The following NEO1 variants were observed in gnomAD, a reference collection of about 807,000 sequenced individuals.
NEO1 encodes the protein neogenin 1.
Under a neutral mutation model 159.7 loss-of-function variants are expected in NEO1, and 63 were observed. The observed-to-expected ratio is 0.39, with a 90% CI of 0.32 to 0.49. The LOEUF is 0.49. NEO1 is among the 20% of genes least tolerant of loss of function. The probability of loss-of-function intolerance (pLI) is 0.85; values close to 1 mark genes in which losing one functional copy is unlikely to be tolerated. For missense variants in NEO1, 1,615 were observed against 1,831.0 expected (o/e 0.88, Z 2.15); for synonymous variants, 633 against 662.0 (o/e 0.96, Z 0.67).
intron 5 of NEO1, among the ~76,000 whole-genome samples, chr15:73,151,012 T>C (rs1039373733): frequency 6.6e-6 from 1 of 152,176 alleles, no homozygotes; most frequent in African/African-American, 2.4e-5. Flanking sequence ...TATTTCTGAG[T>C]AGTGTATGCC....
At chr15:73,273,449 C>T (rs2151048310) in intron 19 of NEO1, among the ~76,000 whole-genome samples, 1 of 152,286 alleles carries the variant, frequency 6.6e-6, no homozygotes, top group East Asian at 1.9e-4. Flanking sequence ...TTACATTTTA[C>T]TTTGTCTTTT....
chr15:73,091,794 A>G (rs2151448036), intron 1 of NEO1, among the ~76,000 whole-genome samples: 1 of 150,462 alleles, frequency 6.6e-6, no homozygotes. Flanking sequence ...ATTGTGGGAA[A>G]GACTGGGAAT....
chr15:73,255,521 T>A (rs1429008041), intron 13 of NEO1: 1 of 152,182 alleles, frequency 6.6e-6, no homozygotes, highest in Non-Finnish European at 1.5e-5. Context: ...GGAACCAGAT[T>A]GAGTGCTTTC....
chr15:73,101,287 T>C (rs1438664402), intron 1 of NEO1, among the ~76,000 whole-genome samples: 2 of 152,272 alleles, frequency 1.3e-5, no homozygotes, highest in Non-Finnish European at 2.9e-5. Flanking sequence ...TGTTATTGAT[T>C]TGTAGTTTAA....
intron 1 of NEO1, among the ~76,000 whole-genome samples, chr15:73,100,261 G>A (rs2070325425): frequency 6.6e-6 from 1 of 151,608 alleles, no homozygotes; most frequent in African/African-American, 2.4e-5. Context: ...TTATAGCCGT[G>A]CTATTTTTAT....
At chr15:73,153,513 G>A (rs1219736063) in intron 5 of NEO1, among the ~76,000 whole-genome samples, 1 of 152,190 alleles carries the variant, frequency 6.6e-6, no homozygotes, top group African/African-American at 2.4e-5. Flanking sequence ...CTGAAATCTG[G>A]GTCAAAGGGA....
Position 73,052,598 on chromosome 15 carries a change from G to A in NEO1, c.-78G>A, listed in dbSNP as rs2151185869. 1.0e-6 allele frequency: 1 copy of A among 967,714 alleles called. No individual in the cohort carries two copies. The highest frequency in any genetic ancestry group is 1.3e-6 in the Non-Finnish European group (1 of 768,128). The allele number at this position is 967,714 out of a possible 1,614,324, so 59.9% of individuals were successfully genotyped here. ...GAGCCGAGCTTGCAGCGAGGGACCG[G>A]CTGAGGCGCGCGGGAGGGAAGGAGG... On this transcript the variant is annotated 5_prime_UTR_variant, in exon 1 of 29. Coordinates refer to ENST00000261908, the MANE Select transcript of NEO1 (RefSeq NM_002499.4).
chr15:73,237,138 C>G (rs1181684267), intron 8 of NEO1, among the ~76,000 whole-genome samples: 1 of 122,780 alleles, frequency 8.1e-6, no homozygotes, highest in Non-Finnish European at 1.9e-5. Flanking sequence ...CCAGTGTGTC[C>G]TCTTCAGTCA....
At chr15:73,290,423 G>T (rs895129955) in intron 25 of NEO1, among the ~76,000 whole-genome samples, 4 of 151,320 alleles carry the variant, frequency 2.6e-5, no homozygotes, top group Non-Finnish European at 5.9e-5. Flanking sequence ...TGTAGACACG[G>T]GGTTTCACCA....
intron 1 of NEO1, among the ~76,000 whole-genome samples, chr15:73,096,132 C>A (rs1054109071): frequency 1.3e-5 from 2 of 152,106 alleles, no homozygotes; most frequent in Non-Finnish European, 2.9e-5. Flanking sequence ...CCCACAGCAG[C>A]AGATCATCTA....
intron 1 of NEO1, among the ~76,000 whole-genome samples, chr15:73,111,186 G>C (rs59852601): frequency 0.012 from 1,772 of 152,204 alleles, 38 homozygotes; most frequent in African/African-American, 0.04. Flanking sequence ...TTTTCCCTTT[G>C]TATTTGCATT....
chr15:73,242,562 C>CTGGA (rs2150897579), intron 8 of NEO1, among the ~76,000 whole-genome samples: 1 of 152,186 alleles, frequency 6.6e-6, no homozygotes, highest in East Asian at 1.9e-4. Context: ...CAGCTACGTA[C>CTGGA]TGGAGGCCAG....
chr15:73,069,929 C>CT (rs1362728657), intron 1 of NEO1, among the ~76,000 whole-genome samples: 4 of 152,082 alleles, frequency 2.6e-5, no homozygotes, highest in African/African-American at 7.2e-5. Context: ...GGAAATAATG[C>CT]TTTGGAAGTG....
intron 11 of NEO1, 73 bp from the exon 12 acceptor site, chr15:73,253,327 C>A: frequency 1.2e-6 from 1 of 860,374 alleles, no homozygotes; most frequent in Admixed American, 2.6e-5. Context: ...TAAAGTCCAG[C>A]CAAGATGATC....
intron 5 of NEO1, among the ~76,000 whole-genome samples, chr15:73,174,327 C>T (rs1198037203): frequency 6.6e-6 from 1 of 152,088 alleles, no homozygotes; most frequent in Non-Finnish European, 1.5e-5. Context: ...AGGAAATCCC[C>T]TGCTGGGAGG....
At chr15:73,248,784 G>T (rs150420981) in intron 9 of NEO1, among the ~76,000 whole-genome samples, 30 of 152,284 alleles carry the variant, frequency 2.0e-4, no homozygotes, top group Non-Finnish European at 3.2e-4. Context: ...ATCTCTTTCT[G>T]TGGTGGTTGC....
In NEO1 at chr15:73,302,889, A is replaced by C. The variant is rs1187065663; in HGVS notation, c.*193A>C. ...GCCTTCCCCTGGTCAGCCTGGAAGA[A>C]GCCTGTGTCGAGGCAGCTTCCCTTT... On this transcript the variant is annotated 3_prime_UTR_variant, in exon 29 of 29. Coordinates refer to ENST00000261908, the MANE Select transcript of NEO1 (RefSeq NM_002499.4). 2 of 547,258 alleles carry C rather than the reference A, an allele frequency of 3.7e-6. No individual in the cohort carries two copies. Among genetic ancestry groups the C allele is most frequent in the Non-Finnish European group, 6.5e-6 (2 of 306,150 alleles). The allele number at this position is 547,258 out of a possible 1,614,324, so 33.9% of individuals were successfully genotyped here. A position where few individuals can be genotyped will look rare whatever the true frequency, so the allele number is the denominator to read the frequency against.
intron 5 of NEO1, among the ~76,000 whole-genome samples, chr15:73,140,003 C>G (rs1252114825): frequency 6.6e-6 from 1 of 152,222 alleles, no homozygotes; most frequent in Non-Finnish European, 1.5e-5. Context: ...GGGCAAAAGA[C>G]TTGAACATCG....
intron 16 of NEO1, among the ~76,000 whole-genome samples, chr15:73,269,606 C>T (rs1024352311): frequency 1.1e-4 from 16 of 152,138 alleles, no homozygotes; most frequent in South Asian, 4.1e-4. Flanking sequence ...GTGATCTGCC[C>T]GCCTCTGCCT....
Sources: gnomAD v4.1 joint callset for allele counts (sites outside exome capture counted in the v4.1 genomes callset) on GRCh38, gnomAD v4.1.1 for gene constraint, MANE v1.5 for transcripts, NCBI Gene and HGNC (gene_info 2026-07-23, HGNC 2026-07-21) for gene names.